Variants in FGFBP1 observed in about 807,000 individuals in gnomAD.
The protein encoded by FGFBP1 is fibroblast growth factor binding protein 1.
FGFBP1 carries 12 observed loss-of-function variants against 14.6 expected under a neutral mutation model. The ratio of observed to expected loss-of-function variants is 0.82; its 90% CI spans 0.53 to 1.33. The LOEUF is 1.33. Ranked by LOEUF, FGFBP1 falls within the 40% of genes most tolerant of loss-of-function variation. The pLI is 0.00. For missense variants in FGFBP1, 317 were observed against 271.8 expected (o/e 1.17, Z -1.17); for synonymous variants, 117 against 105.0 (o/e 1.11, Z -0.70).
chr4:15,936,625 ATCT>A lies in FGFBP1; in HGVS notation c.5_7del (p.Lys2del), dbSNP rs774290039. The A allele has an allele frequency of 1.1e-3, 1,696 of 1,604,104 alleles. 29 individuals carry two copies. Among genetic ancestry groups the A allele is most frequent in the Non-Finnish European group, 1.8e-4 (213 of 1,176,236 alleles). ...GAAGGAGAGCAGGGTGAGGCTACAGATCTTCATGGCTGCAGCTGGGCGTTCACC... is the reference window on the plus strand; with the variant it reads ...GAAGGAGAGCAGGGTGAGGCTACAGATCATGGCTGCAGCTGGGCGTTCACC... On this transcript the variant is annotated inframe_deletion, in exon 3 of 3. Coordinates refer to ENST00000382333, the MANE Select transcript of FGFBP1 (RefSeq NM_005130.5).
At chr4:15,938,555 A>C (rs1214998534) in intron 1 of FGFBP1, 84 bp from the exon 2 acceptor site, 1 of 152,484 alleles carries the variant, frequency 6.6e-6, no homozygotes, top group Admixed American at 6.5e-5. Flanking sequence ...CCCTGTGGCC[A>C]GGATAGGAGG....
intron 2 of FGFBP1, among the ~76,000 whole-genome samples, chr4:15,937,200 G>T (rs1244215926): frequency 1.4e-5 from 2 of 138,276 alleles, no homozygotes; most frequent in Non-Finnish European, 3.0e-5. Context: ...CCCAAAATGA[G>T]AAAAGACATG....
In FGFBP1 at chr4:15,936,056, T is replaced by C; in HGVS notation, c.577A>G (p.Lys193Glu). The part of the protein sequence containing the change: ...SLAVTQTMAT[K>E]APECVEDPDM... ...GGGTCCTCCACACACTCGGGAGCTT[T>C]GGTGGCCATGGTCTGGGTCACTGCT... is the stretch of plus-strand genomic sequence containing the variant. The change falls in exon 3 of 3, where the codon AAA becomes GAA. Residue 193 changes from lysine to glutamate, a missense_variant. Physicochemically the swap from Lys to Glu is moderately conservative, Grantham distance 56. Coordinates refer to ENST00000382333, the MANE Select transcript of FGFBP1 (RefSeq NM_005130.5). The C allele has an allele frequency of 6.2e-7, 1 of 1,614,188 alleles. No homozygotes were observed. Among genetic ancestry groups the C allele is most frequent in the East Asian group, 2.2e-5 (1 of 44,868 alleles).
In FGFBP1 at chr4:15,938,405, T is replaced by C. The variant is rs1712547530; in HGVS notation, c.-175A>G. 1 of 152,326 alleles carries C rather than the reference T, an allele frequency of 6.6e-6. No homozygotes were observed. Among genetic ancestry groups the C allele is most frequent in the South Asian group, 2.1e-4 (1 of 4,826 alleles). The allele number at this position is 152,326 out of a possible 1,614,324, so 9.4% of individuals were successfully genotyped here. A position where few individuals can be genotyped will look rare whatever the true frequency, so the allele number is the denominator to read the frequency against. On this transcript the variant is annotated 5_prime_UTR_variant, in exon 2 of 3. Coordinates refer to ENST00000382333, the MANE Select transcript of FGFBP1 (RefSeq NM_005130.5). ...CACTCACTGGGTTTTTACAACACTG[T>C]GGCACGTTACTCACAGCTCCTCCCA...
At chr4:15,937,176 T>C (rs1712517853) in intron 2 of FGFBP1, among the ~76,000 whole-genome samples, 1 of 152,088 alleles carries the variant, frequency 6.6e-6, no homozygotes, top group Non-Finnish European at 1.5e-5. Context: ...CATGACTCCA[T>C]ATGGACACAG....
In FGFBP1 at chr4:15,936,110, T is replaced by C. The variant is rs748671665; in HGVS notation, c.523A>G (p.Lys175Glu). The C allele has an allele frequency of 6.2e-7, 1 of 1,614,116 alleles. No individual in the cohort carries two copies. Among genetic ancestry groups the C allele is most frequent in the Non-Finnish European group, 8.5e-7 (1 of 1,179,982 alleles). The change falls in exon 3 of 3, where the codon AAA (lysine) becomes GAA (glutamate). Residue 175 changes from lysine (K) to glutamate (E), a missense_variant. Lys to Glu is a moderately conservative substitution (Grantham distance 56). Transcript: ENST00000382333. ...CTAGAGGGGGTGGTCTCTTTGCCTT[T>C]GATGTGCTCCCTGGGGGACATCTCT... The part of the protein sequence containing the change: ...KTEMSPREHI[K>E]GKETTPSSLA...
chr4:15,937,899 AAC>A (rs1247234970), intron 2 of FGFBP1, among the ~76,000 whole-genome samples: 1 of 152,264 alleles, frequency 6.6e-6, no homozygotes, highest in African/African-American at 2.4e-5. Flanking sequence ...AGTTTCATAT[AAC>A]ACATAATGAT....
chr4:15,936,627 C>A lies in FGFBP1; in HGVS notation c.6G>T (p.Lys2Asn). M[K>N]ICSLTLLSFL... ...AGGAGAGCAGGGTGAGGCTACAGATCTTCATGGCTGCAGCTGGGCGTTCAC... is the reference window on the plus strand; with the variant it reads ...AGGAGAGCAGGGTGAGGCTACAGATATTCATGGCTGCAGCTGGGCGTTCAC... Residue 2 changes from lysine to asparagine, a missense_variant, in exon 3 of 3, where the codon AAG becomes AAT. By Grantham distance (94) the Lys-to-Asn change is moderately conservative (BLOSUM62 0). Coordinates refer to ENST00000382333, the MANE Select transcript of FGFBP1 (RefSeq NM_005130.5). The A allele has an allele frequency of 6.3e-7, 1 of 1,598,210 alleles. No homozygotes were observed.
At chr4:15,936,938 A>T (rs898866363) in intron 2 of FGFBP1, among the ~76,000 whole-genome samples, 5 of 151,834 alleles carry the variant, frequency 3.3e-5, no homozygotes, top group Admixed American at 3.3e-4. Flanking sequence ...TCTTTCATTC[A>T]CTCATTCAAC....
intron 2 of FGFBP1, 118 bp from the exon 3 acceptor site, chr4:15,936,770 G>A (rs139457815): frequency 2.9e-5 from 18 of 618,558 alleles, no homozygotes; most frequent in Middle Eastern, 4.3e-4. Flanking sequence ...GACCAAGAAC[G>A]CTTCTGGCTC....
Position 15,936,094 on chromosome 4 carries a change from G to A in FGFBP1, c.539C>T (p.Thr180Ile), listed in dbSNP as rs146859271. Residue 180 changes from threonine to isoleucine, a missense_variant, in exon 3 of 3, where the codon ACC becomes ATC. Thr to Ile is a moderately conservative substitution (Grantham distance 89). Coordinates refer to ENST00000382333, the MANE Select transcript of FGFBP1 (RefSeq NM_005130.5). Reference sequence around the variant, plus strand: ...CTGGGTCACTGCTAGGCTAGAGGGGGTGGTCTCTTTGCCTTTGATGTGCTC... The same window carrying A: ...CTGGGTCACTGCTAGGCTAGAGGGGATGGTCTCTTTGCCTTTGATGTGCTC... ...PREHIKGKET[T>I]PSSLAVTQTM... 9.3e-6 allele frequency: 15 copies of A among 1,613,998 alleles called. No individual in the cohort carries two copies. The highest frequency in any genetic ancestry group is 1.7e-5 in the Admixed American group (1 of 60,002).
Position 15,936,302 on chromosome 4 carries a change from C to T in FGFBP1, c.331G>A (p.Val111Ile). Residue 111 changes from valine (V) to isoleucine (I), a missense_variant, in exon 3 of 3, where the codon GTC (valine) becomes ATC (isoleucine). Coordinates refer to ENST00000382333, the MANE Select transcript of FGFBP1 (RefSeq NM_005130.5). The part of the protein sequence containing the change: ...TSCLKLKDER[V>I]YWKQVARNLR... ...TTCCGGGCAACTTGTTTCCAATAGA[C>T]TCTCTCATCCTTGAGCTTTAGGCAT... 6.2e-7 allele frequency: 1 copy of T among 1,614,204 alleles called. No individual in the cohort carries two copies. Among genetic ancestry groups the T allele is most frequent in the East Asian group, 2.2e-5 (1 of 44,880 alleles).
chr4:15,937,869 A>G (rs1008334910), intron 2 of FGFBP1, among the ~76,000 whole-genome samples: 1 of 152,246 alleles, frequency 6.6e-6, no homozygotes, highest in Non-Finnish European at 1.5e-5. Context: ...AAGAAAAACA[A>G]CTATGAACAA....
At chr4:15,936,729 C>A in intron 2 of FGFBP1, 77 bp from the exon 3 acceptor site, 3 of 831,974 alleles carry the variant, frequency 3.6e-6, no homozygotes, top group Non-Finnish European at 5.6e-6. Context: ...CCTCCCCCTA[C>A]CCTGACAGGT....
Position 15,936,048 on chromosome 4 carries a change from G to C in FGFBP1, c.585C>G (p.Pro195=), listed in dbSNP as rs772486481. 1 of 1,614,108 alleles carries C rather than the reference G, an allele frequency of 6.2e-7. No individual in the cohort carries two copies. Among genetic ancestry groups the C allele is most frequent in the Non-Finnish European group, 8.5e-7 (1 of 1,179,984 alleles). Residue 195 remains proline (P), a synonymous_variant, in exon 3 of 3, where the codon CCC becomes CCG. Transcript: ENST00000382333. The part of the protein sequence containing the change: ...AVTQTMATKA[P]ECVEDPDMAN... ...CCATATCTGGGTCCTCCACACACTCGGGAGCTTTGGTGGCCATGGTCTGGG... is the reference window on the plus strand; with the variant it reads ...CCATATCTGGGTCCTCCACACACTCCGGAGCTTTGGTGGCCATGGTCTGGG...
chr4:15,938,087 A>G (rs1712538279), intron 2 of FGFBP1, among the ~76,000 whole-genome samples, 164 bp downstream of exon 2: 1 of 152,218 alleles, frequency 6.6e-6, no homozygotes, highest in Non-Finnish European at 1.5e-5. Context: ...TAAATGGTGA[A>G]GAGGAGACTG....
Position 15,936,193 on chromosome 4 carries a change from C to T in FGFBP1, c.440G>A (p.Ser147Asn), listed in dbSNP as rs1712476337. Reference protein sequence around the residue: ...RVCRKDFPESSLKLVSSTLFG... With the variant: ...RVCRKDFPESNLKLVSSTLFG... ...TAGAGTGGAGCTGACTAGCTTAAGA[C>T]TGGATTCTGGAAAATCCTTTCTGCA... The change falls in exon 3 of 3, where the codon AGT (serine) becomes AAT (asparagine). Residue 147 changes from serine (S) to asparagine (N), a missense_variant. Coordinates refer to ENST00000382333, the MANE Select transcript of FGFBP1 (RefSeq NM_005130.5). 6 of 1,614,204 alleles carry T rather than the reference C, an allele frequency of 3.7e-6. No homozygotes were observed. Among genetic ancestry groups the T allele is most frequent in the Non-Finnish European group, 5.1e-6 (6 of 1,180,036 alleles).
chr4:15,935,890 T>C lies in FGFBP1; in HGVS notation c.*38A>G, dbSNP rs765922183. On this transcript the variant is annotated 3_prime_UTR_variant, in exon 3 of 3. Transcript: ENST00000382333. ...AAAGTATACAGAGGGACTTACGACA[T>C]GACATCTCTTAAGGGAACCCGTTCT... 59 of 1,369,848 alleles carry C rather than the reference T, an allele frequency of 4.3e-5. No individual in the cohort carries two copies. The South Asian group carries it at 7.7e-4, about 18-fold the overall frequency. 84.9% of individuals were successfully genotyped at this position (1,369,848 alleles called of 1,614,324 possible).
intron 2 of FGFBP1, among the ~76,000 whole-genome samples, chr4:15,936,894 C>G (rs1305422918): frequency 6.6e-6 from 1 of 152,138 alleles, no homozygotes; most frequent in Non-Finnish European, 1.5e-5. Flanking sequence ...ATCATTTATT[C>G]ACTCATTAAC....
Sources: gnomAD v4.1 joint callset for allele counts (sites outside exome capture counted in the v4.1 genomes callset) on GRCh38, gnomAD v4.1.1 for gene constraint, MANE v1.5 for transcripts, NCBI Gene and HGNC (gene_info 2026-07-23, HGNC 2026-07-21) for gene names.